The following C16orf96 variants were observed in gnomAD, a reference collection of about 807,000 sequenced individuals.
C16orf96 encodes chromosome 16 open reading frame 96, also known as uncharacterized protein C16orf96.
A neutral mutation model predicts 103.6 loss-of-function variants in C16orf96; 108 were observed. That is an observed-to-expected ratio of 1.04 (90% confidence interval 0.89 to 1.22). The LOEUF is 1.22. Among genes scored for constraint, C16orf96 ranks in the 50% most tolerant of loss-of-function variants. C16orf96 has a pLI of 0.00. For synonymous variants in C16orf96, 566 were observed against 593.5 expected (o/e 0.95, Z 0.67); for missense variants, 1,586 against 1,464.2 (o/e 1.08, Z -1.36).
rs142814152 is a variant in C16orf96 at position 4,567,440 on chromosome 16, C to T, written c.421-4121C>T. Among the ~76,000 whole-genome samples the T allele has an allele frequency of 6.6e-3, 996 of 150,328 alleles. 15 individuals are homozygous for T. Among genetic ancestry groups the T allele is most frequent in the African/African-American group, 0.022 (878 of 40,452 alleles). ...CTGGGACTACACGTGCCCGCCACCA[C>T]GCCCGGCTAATTTTTTTTTGTATGT... On this transcript the variant is annotated intron_variant, in intron 1 of 15. Coordinates refer to ENST00000444310, the MANE Select transcript of C16orf96 (RefSeq NM_001145011.2).
intron 1 of C16orf96, among the ~76,000 whole-genome samples, chr16:4,558,444 T>C (rs1316847779): frequency 6.6e-6 from 1 of 151,868 alleles, no homozygotes; most frequent in African/African-American, 2.4e-5. Flanking sequence ...TGAGACCTCA[T>C]CTCTATAAAA....
chr16:4,580,346 A>G (rs1358464963), intron 7 of C16orf96, among the ~76,000 whole-genome samples: 1 of 125,592 alleles, frequency 8.0e-6, no homozygotes, highest in Non-Finnish European at 1.6e-5. Flanking sequence ...GGGCCGGGAC[A>G]ATGTTCGTCT....
Position 4,576,380 on chromosome 16 carries a change from G to A in C16orf96, c.1900G>A (p.Glu634Lys). ...TGCAGGGCCTTCCCGGGGAGCCACA[G>A]AATCCCAGATCTTGGGCGATGATTC... ...LGAGPSRGAT[E>K]SQILGDDSEI... is the part of the protein sequence containing the mutation. The change falls in exon 5 of 16, where the codon GAA (glutamate) becomes AAA (lysine). Residue 634 changes from glutamate (E) to lysine (K), a missense_variant. Glu to Lys is a moderately conservative substitution (Grantham distance 56). Transcript: ENST00000444310. 1 of 1,551,050 alleles carries A rather than the reference G, an allele frequency of 6.4e-7. No individual in the cohort carries two copies. The highest frequency in any genetic ancestry group is 8.7e-7 in the Non-Finnish European group (1 of 1,147,012).
chr16:4,540,033 C>T, the C16orf96 span, among the ~76,000 whole-genome samples: 1 of 152,218 alleles, frequency 6.6e-6, no homozygotes, highest in African/African-American at 2.4e-5. Context: ...ACTTTGGTCT[C>T]CCATTCAGCC....
chr16:4,600,496 C>CCT lies in C16orf96; in HGVS notation c.*180_*181insTC. On this transcript the variant is annotated 3_prime_UTR_variant, in exon 16 of 16. Transcript: ENST00000444310. ...CGAGGCTGAGGCTCATGCGCCCCCCCCCATCCCTACCAAGTCCCCTCCACG... is the reference window on the plus strand; with the variant it reads ...CGAGGCTGAGGCTCATGCGCCCCCCCCTCCATCCCTACCAAGTCCCCTCCACG... 2.1e-5 allele frequency: 10 copies of CCT among 483,126 alleles called. No homozygotes were observed. In the South Asian group the frequency reaches 2.2e-4, roughly 11 times the overall value. The allele number at this position is 483,126 out of a possible 1,614,324, so 29.9% of individuals were successfully genotyped here.
At chr16:4,577,238 C>T (rs1024939536) in intron 5 of C16orf96, among the ~76,000 whole-genome samples, 1 of 152,020 alleles carries the variant, frequency 6.6e-6, no homozygotes, top group Non-Finnish European at 1.5e-5. Flanking sequence ...GCCCATAAAA[C>T]AGTATTGTAT....
At chr16:4,572,534 C>T (rs1020596764) in intron 2 of C16orf96, among the ~76,000 whole-genome samples, 3 of 151,918 alleles carry the variant, frequency 2.0e-5, no homozygotes, top group Non-Finnish European at 4.4e-5. Context: ...ATCTCCTGAC[C>T]TCTTGATCCG....
intron 15 of C16orf96, among the ~76,000 whole-genome samples, chr16:4,599,849 G>A (rs1031531548): frequency 3.3e-5 from 5 of 152,184 alleles, no homozygotes; most frequent in African/African-American, 1.2e-4. Context: ...TGGACTCCAA[G>A]CTTCATGTTC....
chr16:4,594,453 C>T lies in C16orf96; in HGVS notation c.2970C>T (p.Ser990=). ...PQNATSLKCK[S]CNLLTLYPYG... is the part of the protein sequence containing the mutation. ...ACGCCACCAGCCTCAAGTGCAAGTC[C>T]TGCAACCTGTTGACGCTCTATCCCT... Residue 990 remains serine, a synonymous_variant, in exon 13 of 16, where the codon TCC becomes TCT. Coordinates refer to ENST00000444310, the MANE Select transcript of C16orf96 (RefSeq NM_001145011.2). 1 of 1,551,564 alleles carries T rather than the reference C, an allele frequency of 6.4e-7. No homozygotes were observed. The highest frequency in any genetic ancestry group is 1.7e-4 in the Middle Eastern group (1 of 5,992).
the C16orf96 span, among the ~76,000 whole-genome samples, chr16:4,551,037 CTGA>C: frequency 6.6e-6 from 1 of 152,220 alleles, no homozygotes; most frequent in Non-Finnish European, 1.5e-5. Context: ...CTTTGGGAGG[CTGA>C]GGCCAGAGGA....
chr16:4,593,238 T>C lies in C16orf96; in HGVS notation c.2789T>C (p.Ile930Thr), dbSNP rs1469857806. 1.3e-6 allele frequency: 2 copies of C among 1,551,048 alleles called. No homozygotes were observed. The highest frequency in any genetic ancestry group is 3.9e-5 in the Admixed American group (2 of 50,958). ...TCCTCCAACAGACAGCTGATCACCA[T>C]CCGCAAAGCCCACCTGCTGTCCCGG... ...EMMTGPQLIT[I>T]RKAHLLSRLR... Residue 930 changes from isoleucine (I) to threonine (T), a missense_variant, in exon 12 of 16, where the codon ATC becomes ACC. By Grantham distance (89) the Ile-to-Thr change is moderately conservative. Coordinates refer to ENST00000444310, the MANE Select transcript of C16orf96 (RefSeq NM_001145011.2). The surrounding 1 kb of genome is among the most constrained non-coding windows in gnomAD (Gnocchi z 4.2).
Position 4,575,011 on chromosome 16 carries a change from G to A in C16orf96, c.646G>A (p.Glu216Lys), listed in dbSNP as rs549479446. 86 of 1,551,494 alleles carry A rather than the reference G, an allele frequency of 5.5e-5. No individual in the cohort carries two copies. Among genetic ancestry groups the A allele is most frequent in the South Asian group, 8.3e-5 (7 of 84,068 alleles). ...QNKFKTIPKT[E>K]DMVLWSGLHD... ...TAAGTTTAAAACCATCCCCAAAACC[G>A]AGGACATGGTGCTCTGGAGTGGCCT... Residue 216 changes from glutamate (E) to lysine (K), a missense_variant, in exon 4 of 16, where the codon GAG becomes AAG. By Grantham distance (56) the Glu-to-Lys change is moderately conservative. Transcript: ENST00000444310.
chr16:4,576,707 C>G (rs2059514842), intron 5 of C16orf96, 72 bp downstream of exon 5: 6 of 1,365,030 alleles, frequency 4.4e-6, no homozygotes, highest in African/African-American at 2.9e-5. Flanking sequence ...GAAGTGTGTC[C>G]TGTCCTTCAC....
rs1269416543 is a variant in C16orf96, at chr16:4,575,607, C to T, written c.1127C>T (p.Pro376Leu). ...CCTGTGCTTGGACCTGTGCCTGCCCCAGGTGCCCAGCCTCCACCACTGGGA... is the reference window on the plus strand; with the variant it reads ...CCTGTGCTTGGACCTGTGCCTGCCCTAGGTGCCCAGCCTCCACCACTGGGA... ...PWPVLGPVPA[P>L]GAQPPPLGDW... The change falls in exon 5 of 16, where the codon CCA becomes CTA. Residue 376 changes from proline (P) to leucine (L), a missense_variant. Coordinates refer to ENST00000444310, the MANE Select transcript of C16orf96 (RefSeq NM_001145011.2). 3 of 1,512,774 alleles carry T rather than the reference C, an allele frequency of 2.0e-6. No homozygotes were observed. The highest frequency in any genetic ancestry group is 2.7e-6 in the Non-Finnish European group (3 of 1,130,312). The allele number at this position is 1,512,774 out of a possible 1,614,324, so 93.7% of individuals were successfully genotyped here. A position where few individuals can be genotyped will look rare whatever the true frequency, so the allele number is the denominator to read the frequency against.
At chr16:4,558,429 C>T (rs892784985) in intron 1 of C16orf96, among the ~76,000 whole-genome samples, 2 of 151,978 alleles carry the variant, frequency 1.3e-5, no homozygotes, top group African/African-American at 2.4e-5. Flanking sequence ...GCCTTGGCAG[C>T]GTAGTGAGAC....
chr16:4,565,256 G>A (rs867392277), intron 1 of C16orf96, among the ~76,000 whole-genome samples: 5 of 152,110 alleles, frequency 3.3e-5, no homozygotes, highest in African/African-American at 4.8e-5. Flanking sequence ...TGTCGGGGAC[G>A]CACTTTCCCT....
chr16:4,558,236 C>G (rs2059287928), intron 1 of C16orf96, among the ~76,000 whole-genome samples: 1 of 152,262 alleles, frequency 6.6e-6, no homozygotes, highest in South Asian at 2.1e-4. Flanking sequence ...GCCTCTGACC[C>G]TGGCTCACCT....
chr16:4,588,230 GA>G lies in C16orf96; in HGVS notation c.2492del (p.Glu831GlyfsTer2). On this transcript the variant is annotated frameshift_variant, in exon 9 of 16. Transcript: ENST00000444310. LOFTEE classifies it high-confidence loss of function. The stretch of plus-strand genomic sequence containing the variant: ...CGTTGACCTGGAGACTGTGGCCTTG[GA>G]GCTGAACGAGATGATTCAGGGCATA... The part of the protein sequence containing the change: ...SRVDLETVAL[E>X]LNEMIQGILF... 6.4e-7 allele frequency: 1 copy of G among 1,551,658 alleles called. No individual in the cohort carries two copies.
chr16:4,543,399 C>G, the C16orf96 span, among the ~76,000 whole-genome samples: 1 of 152,298 alleles, frequency 6.6e-6, no homozygotes, highest in East Asian at 1.9e-4. Flanking sequence ...GGAATTTAGA[C>G]TGTATCCTAT....
Sources: allele counts gnomAD v4.1 joint callset (sites outside exome capture counted in the v4.1 genomes callset), GRCh38; gene constraint gnomAD v4.1.1; non-coding constraint Gnocchi (gnomAD v3.1); transcripts MANE v1.5; gene names NCBI Gene and HGNC (gene_info 2026-07-23, HGNC 2026-07-21).